Variants in BICRAL observed in about 807,000 individuals in gnomAD.
The protein encoded by BICRAL is BRD4-interacting chromatin-remodeling complex-associated protein-like.
A neutral mutation model predicts 91.8 loss-of-function variants in BICRAL; 8 were observed. The ratio of observed to expected loss-of-function variants is 0.09; its 90% confidence interval spans 0.05 to 0.16. The LOEUF (loss-of-function observed/expected upper bound fraction) is 0.16. Ranked by LOEUF, BICRAL falls within the 10% of genes least tolerant of loss-of-function variation. The pLI is 1.00. For missense variants in BICRAL, 1,038 were observed against 1,310.9 expected, an observed-to-expected ratio of 0.79 and a Z score of 3.21; for synonymous variants, 445 against 491.1, an observed-to-expected ratio of 0.91 and a Z score of 1.24.
intron 1 of BICRAL, among the ~76,000 whole-genome samples, chr6:42,794,583 T>C (rs1356473110): frequency 3.3e-5 from 5 of 151,978 alleles, no homozygotes; most frequent in Non-Finnish European, 5.9e-5. Flanking sequence ...TAAGTACTAA[T>C]ATATTATTCT....
chr6:42,823,078 T>A (rs987712317), intron 5 of BICRAL, 75 bp downstream of exon 5: 3 of 818,104 alleles, frequency 3.7e-6, no homozygotes, highest in South Asian at 2.9e-5. Context: ...AGCCTTTAAC[T>A]GCCTTTGTAT....
intron 10 of BICRAL, 21 bp downstream of exon 10, chr6:42,857,257 A>G: frequency 6.2e-7 from 1 of 1,602,274 alleles, no homozygotes; most frequent in South Asian, 1.1e-5. Context: ...TGGGACCCTA[A>G]GGCACCACTC....
chr6:42,848,762 GCCCAGGATGCAGAGGTTGCAGTGA>G (rs1040459391), intron 6 of BICRAL, among the ~76,000 whole-genome samples: 1 of 152,136 alleles, frequency 6.6e-6, no homozygotes, highest in Non-Finnish European at 1.5e-5. Flanking sequence ...GATCCCTTGA[GCCCAGGATGCAGAGGTTGCAGTGA>G]CCCAGGATTG....
chr6:42,840,216 CTTTT>C (rs1196414445), intron 6 of BICRAL, among the ~76,000 whole-genome samples: 5 of 140,274 alleles, frequency 3.6e-5, no homozygotes, highest in Admixed American at 2.1e-4. Context: ...TATTTTTGTT[CTTTT>C]TTGTTTGTTT....
At chr6:42,845,018 G>C (rs1295966536) in intron 6 of BICRAL, among the ~76,000 whole-genome samples, 1 of 151,264 alleles carries the variant, frequency 6.6e-6, no homozygotes, top group Non-Finnish European at 1.5e-5. Flanking sequence ...TGACTAAAGG[G>C]AAAAAAAGGA....
rs1764381538 is a variant in BICRAL at position 42,828,839 on chromosome 6, C to T, written c.506C>T (p.Thr169Met). ...CAGACGCTGCAGCCTATAGGGGTGA[C>T]GCATGTGCCTGTTGGAGCATCGTTT... Reference protein sequence around the residue: ...SGQTLQPIGVTHVPVGASFAS... With the variant: ...SGQTLQPIGVMHVPVGASFAS... The change falls in exon 6 of 13, where the codon ACG becomes ATG. Residue 169 changes from threonine (T) to methionine (M), a missense_variant. Physicochemically the swap from Thr to Met is moderately conservative, Grantham distance 81 (BLOSUM62 -1). Coordinates refer to ENST00000314073, the MANE Select transcript of BICRAL (RefSeq NM_001393499.1). The T allele has an allele frequency of 8.7e-6, 14 of 1,614,030 alleles. No individual in the cohort carries two copies. The highest frequency in any genetic ancestry group is 4.5e-5 in the East Asian group (2 of 44,896).
Position 42,866,667 on chromosome 6 carries a change from T to C in BICRAL, c.*1221T>C, listed in dbSNP as rs1765717281. On this transcript the variant is annotated 3_prime_UTR_variant, in exon 13 of 13. Coordinates refer to ENST00000314073, the MANE Select transcript of BICRAL (RefSeq NM_001393499.1). The stretch of plus-strand genomic sequence containing the variant: ...GAAAGGAAAGATCTGAGACATGGGA[T>C]TCCCATTTGAGAGCCAAAGGATATG... 1.1e-5 allele frequency: 4 copies of C among 370,688 alleles called. No individual in the cohort carries two copies. Among genetic ancestry groups the C allele is most frequent in the South Asian group, 8.1e-5 (4 of 49,220 alleles). The allele number at this position is 370,688 out of a possible 1,614,324, so 23.0% of individuals were successfully genotyped here.
chr6:42,822,498 C>T (rs577461729), intron 3 of BICRAL, among the ~76,000 whole-genome samples: 69 of 151,678 alleles, frequency 4.5e-4, no homozygotes, highest in African/African-American at 1.6e-3. Context: ...ATCCTCCTGC[C>T]TCAGCCTCCC....
chr6:42,852,293 A>G, intron 7 of BICRAL, 96 bp downstream of exon 7: 1 of 760,946 alleles, frequency 1.3e-6, no homozygotes, highest in Non-Finnish European at 2.4e-6. Flanking sequence ...TTCTGGCTTA[A>G]TCTCGTCTCC....
At position 42,829,265 on chromosome 6, in the gene BICRAL, T is replaced by C. The variant is rs774165397; in HGVS notation, c.932T>C (p.Ile311Thr). 31 of 1,614,142 alleles carry C rather than the reference T, an allele frequency of 1.9e-5. No homozygotes were observed. Among genetic ancestry groups the C allele is most frequent in the East Asian group, 2.2e-5 (1 of 44,880 alleles). The change falls in exon 6 of 13, where the codon ATT becomes ACT. Residue 311 changes from isoleucine (I) to threonine (T), a missense_variant. Ile to Thr is a moderately conservative substitution (Grantham distance 89). Coordinates refer to ENST00000314073, the MANE Select transcript of BICRAL (RefSeq NM_001393499.1). ...GCACCAAATTCAAATAAAGTCCCAA[T>C]TAATATACAGCCAAAGCCTATCCAG... ...GLAPNSNKVP[I>T]NIQPKPIQMG... is the part of the protein sequence containing the mutation.
chr6:42,817,144 TTATA>T (rs890257320), intron 2 of BICRAL, among the ~76,000 whole-genome samples: 2 of 134,158 alleles, frequency 1.5e-5, no homozygotes, highest in African/African-American at 6.1e-5. Context: ...CACACATCAT[TTATA>T]TGTGTGTGTG....
intron 6 of BICRAL, among the ~76,000 whole-genome samples, chr6:42,830,924 T>A (rs1288681563): frequency 6.6e-6 from 1 of 152,160 alleles, no homozygotes; most frequent in Non-Finnish European, 1.5e-5. Flanking sequence ...TTTCTTAAAA[T>A]TTTTTATCCA....
chr6:42,796,870 A>AC (rs900597563), intron 1 of BICRAL, among the ~76,000 whole-genome samples: 1 of 151,944 alleles, frequency 6.6e-6, no homozygotes, highest in Admixed American at 6.6e-5. Flanking sequence ...AACATGGAGA[A>AC]CCCCATCCCT....
intron 1 of BICRAL, among the ~76,000 whole-genome samples, chr6:42,764,068 C>G (rs1480149366): frequency 6.7e-6 from 1 of 149,108 alleles, no homozygotes; most frequent in African/African-American, 2.5e-5. Context: ...ATGGTGAAAC[C>G]CTGTCTCTAC....
chr6:42,804,872 T>C lies in BICRAL; in HGVS notation c.-101-5434T>C, dbSNP rs151336306. Among the ~76,000 whole-genome samples, 12 of 152,328 alleles carry C rather than the reference T, an allele frequency of 7.9e-5. No individual in the cohort carries two copies. In the East Asian group the frequency reaches 2.3e-3, roughly 29 times the overall value. ...TGTGTGTATTCATTTATATTTGGGC[T>C]CTGCTTTTTTAAAAAAATTGGGCCT... On this transcript the variant is annotated intron_variant, in intron 1 of 12. Transcript: ENST00000314073.
upstream of BICRAL, among the ~76,000 whole-genome samples, chr6:42,780,075 AT>A (rs1288454205): frequency 4.0e-5 from 6 of 148,726 alleles, no homozygotes; most frequent in South Asian, 2.1e-4. Context: ...CTAATTTTTA[AT>A]TTTTTTTTTA....
At chr6:42,770,869 T>C (rs1234279114) in intron 1 of BICRAL, among the ~76,000 whole-genome samples, 1 of 150,930 alleles carries the variant, frequency 6.6e-6, no homozygotes, top group Non-Finnish European at 1.5e-5. Flanking sequence ...TTTTGTATTT[T>C]TAGTAGAGAC....
chr6:42,784,461 A>T (rs535602640), intron 1 of BICRAL, among the ~76,000 whole-genome samples: 2 of 152,264 alleles, frequency 1.3e-5, no homozygotes, highest in South Asian at 4.1e-4. Flanking sequence ...CCTTGTGTTT[A>T]TAAATATACA....
At chr6:42,792,068 A>G (rs558276558) in intron 1 of BICRAL, among the ~76,000 whole-genome samples, 1 of 152,288 alleles carries the variant, frequency 6.6e-6, no homozygotes, top group Admixed American at 6.5e-5. Context: ...GTGCACCTGT[A>G]TAGGGCAGTT....
Sources: allele counts gnomAD v4.1 joint callset (sites outside exome capture counted in the v4.1 genomes callset), GRCh38; gene constraint gnomAD v4.1.1; transcripts MANE v1.5; gene names NCBI Gene and HGNC (gene_info 2026-07-23, HGNC 2026-07-21).